SKIC3: variants seen among roughly 807,000 people sequenced by gnomAD.
SKIC3 encodes the protein superkiller complex protein 3.
chr5:95,523,932 AAAT>A, the SKIC3 span: 2 of 1,251,558 alleles, frequency 1.6e-6, no homozygotes, highest in South Asian at 2.8e-5. Flanking sequence ...AAGAAAAAAG[AAAT>A]AATTTCATTA....
chr5:95,532,235 T>G, the SKIC3 span, among the ~76,000 whole-genome samples: 7 of 152,120 alleles, frequency 4.6e-5, no homozygotes, highest in Non-Finnish European at 1.0e-4. Context: ...GTAATCAAAG[T>G]GTGGGTTGGT....
the SKIC3 span, among the ~76,000 whole-genome samples, chr5:95,518,784 T>C: frequency 2.0e-5 from 3 of 152,052 alleles, no homozygotes; most frequent in Non-Finnish European, 4.4e-5. Context: ...GGTACAGATG[T>C]CTCTTTGATA....
the SKIC3 span, chr5:95,521,941 G>A: frequency 3.4e-5 from 46 of 1,361,208 alleles, no homozygotes; most frequent in Non-Finnish European, 4.5e-5. Flanking sequence ...GATGCTTGCT[G>A]TTGACTAAAG....
At chr5:95,470,562 G>T in the SKIC3 span, among the ~76,000 whole-genome samples, 2 of 152,008 alleles carry the variant, frequency 1.3e-5, no homozygotes, top group African/African-American at 4.8e-5. Context: ...TTCTTTAACT[G>T]GTAGTGATAA....
the SKIC3 span, among the ~76,000 whole-genome samples, chr5:95,519,000 A>G: frequency 6.6e-6 from 1 of 151,798 alleles, no homozygotes; most frequent in African/African-American, 2.4e-5. Context: ...CAGACATCCT[A>G]ACTGGGGTGA....
At chr5:95,489,979 T>A in the SKIC3 span, among the ~76,000 whole-genome samples, 1 of 152,212 alleles carries the variant, frequency 6.6e-6, no homozygotes, top group African/African-American at 2.4e-5. Flanking sequence ...GCAGTAATGA[T>A]GCTTAACATT....
the SKIC3 span, chr5:95,521,384 G>A: frequency 1.3e-5 from 2 of 152,502 alleles, no homozygotes; most frequent in Non-Finnish European, 2.9e-5. Context: ...CACTTCAGCA[G>A]CACATATACC....
At chr5:95,492,681 A>AAAAAAAAAAAAAAAAAAC in the SKIC3 span, among the ~76,000 whole-genome samples, 1 of 140,788 alleles carries the variant, frequency 7.1e-6, no homozygotes, top group Non-Finnish European at 1.5e-5. Flanking sequence ...AAAAAAAAAA[A>AAAAAAAAAAAAAAAAAAC]AAAAAAAACA....
chr5:95,469,747 C>G, the SKIC3 span: 11 of 1,612,398 alleles, frequency 6.8e-6, no homozygotes, highest in Non-Finnish European at 9.3e-6. Context: ...AGTGAAGAAG[C>G]ATTTATAAGA....
chr5:95,514,860 C>A, the SKIC3 span: 3 of 1,611,768 alleles, frequency 1.9e-6, no homozygotes, highest in South Asian at 1.1e-5. Flanking sequence ...CTTACTTGTC[C>A]AATCCAGCAC....
chr5:95,502,735 G>T, the SKIC3 span: 1 of 914,498 alleles, frequency 1.1e-6, no homozygotes, highest in Non-Finnish European at 1.7e-6. Context: ...CTCCACCTGT[G>T]ACTATCAATT....
the SKIC3 span, among the ~76,000 whole-genome samples, chr5:95,491,328 A>G: frequency 2.0e-5 from 3 of 152,204 alleles, no homozygotes; most frequent in Non-Finnish European, 2.9e-5. Flanking sequence ...TACTGTGGAA[A>G]GGGCAATTAG....
At chr5:95,512,616 A>G in the SKIC3 span, 5 of 1,613,944 alleles carry the variant, frequency 3.1e-6, no homozygotes, top group Admixed American at 8.3e-5. Flanking sequence ...ATGCTCCTTC[A>G]GTCTTTAAAA....
chr5:95,484,340 CTTTTTTTTTTTT>C, the SKIC3 span, among the ~76,000 whole-genome samples: 8 of 119,930 alleles, frequency 6.7e-5, no homozygotes, highest in African/African-American at 1.3e-4. Flanking sequence ...ATGCATTCCT[CTTTTTTTTTTTT>C]TTTTTTTTTT....
chr5:95,477,841 T>A, the SKIC3 span, among the ~76,000 whole-genome samples: 1 of 152,198 alleles, frequency 6.6e-6, no homozygotes, highest in Admixed American at 6.5e-5. Context: ...CCTACCAGCA[T>A]GTAAAACTTT....
the SKIC3 span, among the ~76,000 whole-genome samples, chr5:95,506,012 AG>A: frequency 4.6e-5 from 7 of 152,230 alleles, no homozygotes; most frequent in Non-Finnish European, 1.0e-4. Context: ...TACTTACATT[AG>A]TACTTAGATT....
chr5:95,513,993 G>A, the SKIC3 span, among the ~76,000 whole-genome samples: 4 of 152,156 alleles, frequency 2.6e-5, no homozygotes, highest in African/African-American at 4.8e-5. Flanking sequence ...TGGACTCCCT[G>A]GGTTCAATGG....
chr5:95,470,898 TAA>T, the SKIC3 span, among the ~76,000 whole-genome samples: 1 of 152,130 alleles, frequency 6.6e-6, no homozygotes, highest in Non-Finnish European at 1.5e-5. Flanking sequence ...AAAAATGCAT[TAA>T]AAAGTTTCAT....
chr5:95,467,805 A>G, the SKIC3 span: 3 of 1,604,046 alleles, frequency 1.9e-6, no homozygotes, highest in Non-Finnish European at 2.6e-6. Flanking sequence ...CTTAGATCAA[A>G]GATAAAACAT....
Sources: gnomAD v4.1 joint callset for allele counts (sites outside exome capture counted in the v4.1 genomes callset) on GRCh38, gnomAD v4.1.1 for gene constraint, MANE v1.5 for transcripts, NCBI Gene and HGNC (gene_info 2026-07-23, HGNC 2026-07-21) for gene names.